GLIS1: variants seen among roughly 807,000 people sequenced by gnomAD.
The protein encoded by GLIS1 is zinc finger protein GLIS1.
GLIS1 carries 24 observed loss-of-function variants against 63.8 expected under a neutral mutation model. The observed-to-expected ratio is 0.38, with a 90% CI of 0.27 to 0.53. The LOEUF (loss-of-function observed/expected upper bound fraction) is 0.53. Ranked by LOEUF, GLIS1 falls within the 20% of genes least tolerant of loss-of-function variation. GLIS1 has a pLI of 0.85. For synonymous variants in GLIS1, 450 were observed against 482.5 expected (o/e 0.93, Z 0.88); for missense variants, 1,036 against 1,074.1 (o/e 0.96, Z 0.50).
chr1:53,710,878 C>T (rs1470319929), intron 2 of GLIS1, among the ~76,000 whole-genome samples: 1 of 152,140 alleles, frequency 6.6e-6, no homozygotes, highest in Non-Finnish European at 1.5e-5. Flanking sequence ...AACTTTTACA[C>T]AGGCCCCCTA....
chr1:53,545,511 A>T (rs1191491615), intron 4 of GLIS1, among the ~76,000 whole-genome samples: 1 of 152,254 alleles, frequency 6.6e-6, no homozygotes, highest in Admixed American at 6.5e-5. Context: ...TGAAAAAATC[A>T]AGTACCTAAA....
intron 2 of GLIS1, among the ~76,000 whole-genome samples, chr1:53,702,223 G>A (rs1646531307): frequency 6.6e-6 from 1 of 152,108 alleles, no homozygotes; most frequent in Non-Finnish European, 1.5e-5. Flanking sequence ...GGAACTCCAA[G>A]GTCACTGCTC....
chr1:53,637,142 C>T (rs886377255), intron 2 of GLIS1, among the ~76,000 whole-genome samples: 3 of 152,220 alleles, frequency 2.0e-5, no homozygotes, highest in African/African-American at 7.2e-5. Flanking sequence ...CTCCTCTGTG[C>T]CAGCCCTGGG....
At chr1:53,701,274 T>C (rs1646520130) in intron 2 of GLIS1, among the ~76,000 whole-genome samples, 1 of 152,234 alleles carries the variant, frequency 6.6e-6, no homozygotes, top group Non-Finnish European at 1.5e-5. Flanking sequence ...TTCTACACCC[T>C]TGCCAACTCT....
In GLIS1 at chr1:53,594,650, C is replaced by A. The variant is rs144490309; in HGVS notation, c.778G>T (p.Asp260Tyr). 4.5e-6 allele frequency: 7 copies of A among 1,556,618 alleles called. No homozygotes were observed. The Admixed American group carries it at 1.1e-4, about 24-fold the overall frequency. Residue 260 changes from aspartate to tyrosine, a missense_variant, in exon 4 of 11, where the codon GAC becomes TAC. Physicochemically the swap from Asp to Tyr is radical, Grantham distance 160. Coordinates refer to ENST00000628545, the MANE Select transcript of GLIS1 (RefSeq NM_001367484.1). The part of the protein sequence containing the change: ...PASSSPCASS[D>Y]VTSIIRSSQT... ...GAGGAGCGGATGATGGAGGTGACGT[C>A]GGAGGAGGCACAGGGTGAGGAGGAG...
chr1:53,643,448 T>C (rs1281398813), intron 2 of GLIS1, among the ~76,000 whole-genome samples: 1 of 152,198 alleles, frequency 6.6e-6, no homozygotes, highest in Non-Finnish European at 1.5e-5. Flanking sequence ...GACCTGGTTC[T>C]AGTTCAGACT....
intron 2 of GLIS1, among the ~76,000 whole-genome samples, chr1:53,696,230 T>C (rs1490946062): frequency 6.6e-6 from 1 of 152,252 alleles, no homozygotes; most frequent in Non-Finnish European, 1.5e-5. Context: ...TATTTTTCCT[T>C]CAAGCAATTA....
At chr1:53,680,618 G>A (rs57634341) in intron 2 of GLIS1, among the ~76,000 whole-genome samples, 14,999 of 152,286 alleles carry the variant, frequency 0.098, 1,494 homozygotes, top group African/African-American at 0.26. Context: ...AGATGTGATA[G>A]TCATCCTGTT....
intron 10 of GLIS1, among the ~76,000 whole-genome samples, chr1:53,507,492 G>A (rs998401924): frequency 6.6e-6 from 1 of 152,204 alleles, no homozygotes; most frequent in African/African-American, 2.4e-5. Flanking sequence ...GGCCGGGAGG[G>A]GTGATCTTCT....
At chr1:53,509,453 C>A (rs970749840) in intron 9 of GLIS1, among the ~76,000 whole-genome samples, 166 bp from the exon 10 acceptor site, 7 of 152,224 alleles carry the variant, frequency 4.6e-5, no homozygotes, top group Admixed American at 1.3e-4. Flanking sequence ...GAGGCTGGGG[C>A]CCCATTCTCA....
chr1:53,557,253 A>G (rs1040996478), intron 4 of GLIS1, among the ~76,000 whole-genome samples: 3 of 152,092 alleles, frequency 2.0e-5, no homozygotes, highest in Non-Finnish European at 2.9e-5. Flanking sequence ...CATCCTGGAC[A>G]CTTTGTCCAT....
chr1:53,533,611 C>T (rs1020858568), intron 4 of GLIS1, among the ~76,000 whole-genome samples: 2 of 152,192 alleles, frequency 1.3e-5, no homozygotes, highest in African/African-American at 2.4e-5. Flanking sequence ...TACCAGCAGA[C>T]GAAGGGGCAC....
intron 2 of GLIS1, among the ~76,000 whole-genome samples, chr1:53,735,528 G>A (rs1329218528): frequency 1.3e-5 from 2 of 152,170 alleles, no homozygotes; most frequent in African/African-American, 4.8e-5. Flanking sequence ...TATCACTAAT[G>A]ATCTCATCAG....
chr1:53,680,191 A>C (rs1646259432), intron 2 of GLIS1, among the ~76,000 whole-genome samples: 1 of 152,242 alleles, frequency 6.6e-6, no homozygotes, highest in South Asian at 2.1e-4. Flanking sequence ...ACAGCTTAAA[A>C]AAAAAAAATT....
intron 4 of GLIS1, among the ~76,000 whole-genome samples, chr1:53,557,051 T>C (rs552495761): frequency 1.3e-5 from 2 of 151,918 alleles, no homozygotes; most frequent in Non-Finnish European, 2.9e-5. Context: ...TGTGTGAGTG[T>C]GTTCAGGTAC....
chr1:53,571,383 A>AGAAT (rs1644982356), intron 4 of GLIS1, among the ~76,000 whole-genome samples: 1 of 152,216 alleles, frequency 6.6e-6, no homozygotes, highest in Non-Finnish European at 1.5e-5. Context: ...CACACATTCT[A>AGAAT]GTGAAAATGT....
chr1:53,735,079 A>C (rs1460720589), intron 2 of GLIS1, among the ~76,000 whole-genome samples: 2 of 152,174 alleles, frequency 1.3e-5, no homozygotes, highest in African/African-American at 4.8e-5. Context: ...TCCTCTGCTT[A>C]GGGACTGTCT....
chr1:53,524,641 G>A (rs972102207), intron 6 of GLIS1, 136 bp downstream of exon 6: 8 of 664,582 alleles, frequency 1.2e-5, no homozygotes, highest in South Asian at 1.8e-5. Flanking sequence ...ACGGACGAAC[G>A]GACGAACGGA....
rs12566929 is a variant in GLIS1 at position 53,715,321 on chromosome 1, G to A, written c.259+22485C>T. Among the ~76,000 whole-genome samples, 2,182 of 152,312 alleles carry A rather than the reference G, an allele frequency of 0.014. 136 individuals carry two copies. The East Asian group carries it at 0.23, about 16-fold the overall frequency. Reference sequence around the variant, plus strand: ...AAAGTCCAGAGTCCACCATGGGCAGGTGAGCTGGAAAAGCACACCAGGCGG... The same window carrying A: ...AAAGTCCAGAGTCCACCATGGGCAGATGAGCTGGAAAAGCACACCAGGCGG... On this transcript the variant is annotated intron_variant, in intron 2 of 10. Coordinates refer to ENST00000628545, the MANE Select transcript of GLIS1 (RefSeq NM_001367484.1).
Sources: allele counts gnomAD v4.1 joint callset (sites outside exome capture counted in the v4.1 genomes callset), GRCh38; gene constraint gnomAD v4.1.1; transcripts MANE v1.5; gene names NCBI Gene and HGNC (gene_info 2026-07-23, HGNC 2026-07-21).